THADA: variants seen among roughly 807,000 people sequenced by gnomAD.
THADA encodes tRNA (32-2'-O)-methyltransferase regulator THADA.
Under a neutral mutation model 219.8 loss-of-function variants are expected in THADA, and 213 were observed. The observed-to-expected ratio is 0.97, with a 90% CI of 0.87 to 1.09. The LOEUF (loss-of-function observed/expected upper bound fraction) is 1.09. THADA is among the 50% of genes least tolerant of loss of function. The pLI is 0.00. For synonymous variants in THADA, 1,018 were observed against 828.9 expected (o/e 1.23, Z -3.92); for missense variants, 2,956 against 2,311.3 (o/e 1.28, Z -5.72).
At position 43,428,157 on chromosome 2, in the gene THADA, G is replaced by C; in HGVS notation, c.4001C>G (p.Pro1334Arg). Residue 1334 changes from proline to arginine, a missense_variant, in exon 28 of 38, where the codon CCG becomes CGG. Pro to Arg is a moderately radical substitution (Grantham distance 103). Coordinates refer to ENST00000405975, the MANE Select transcript of THADA (RefSeq NM_022065.5). The stretch of plus-strand genomic sequence containing the variant: ...GAGAGCAGAAGAAGTACCATCCATC[G>C]GGGAAGCGTAGAGTCTCTCCAACAC... ...LLVLERLYAS[P>R]MDGTSSALSM... 6.2e-7 allele frequency: 1 copy of C among 1,610,460 alleles called. No individual in the cohort carries two copies. Among genetic ancestry groups the C allele is most frequent in the Non-Finnish European group, 8.5e-7 (1 of 1,177,978 alleles).
At chr2:43,577,528 A>AT (rs969840982) in intron 9 of THADA, among the ~76,000 whole-genome samples, 31 of 146,924 alleles carry the variant, frequency 2.1e-4, no homozygotes, top group Admixed American at 6.1e-4. Flanking sequence ...TTTGGTATGT[A>AT]TTTTTTTTTT....
rs1691333904 is a variant in THADA, at chr2:43,515,149, T to TATATA, written c.3375-6370_3375-6369insTATAT. Among the ~76,000 whole-genome samples the TATATA allele has an allele frequency of 8.8e-3, 7 of 798 alleles. 1 individual carries two copies. Among genetic ancestry groups the TATATA allele is most frequent in the Non-Finnish European group, 0.011 (6 of 538 alleles). 0.5% of individuals were successfully genotyped at this position (798 alleles called of 152,430 possible). On this transcript the variant is annotated intron_variant, in intron 22 of 37. Coordinates refer to ENST00000405975, the MANE Select transcript of THADA (RefSeq NM_022065.5). ...ATTTTATATATAATATATAATATAT[T>TATATA]TTATATATTATATATAATATATTAT...
At chr2:43,289,150 C>G (rs1316301591) in intron 34 of THADA, among the ~76,000 whole-genome samples, 1 of 152,224 alleles carries the variant, frequency 6.6e-6, no homozygotes, top group African/African-American at 2.4e-5. Context: ...CTGTACTTCA[C>G]TCAATTTTGT....
intron 1 of THADA, among the ~76,000 whole-genome samples, chr2:43,594,584 CAAATAAATAAATAAAT>C (rs34191249): frequency 9.4e-5 from 14 of 149,012 alleles, no homozygotes; most frequent in African/African-American, 3.5e-4. Flanking sequence ...AACTCCATCT[CAAATAAATAAATAAAT>C]AAATAAATAA....
intron 31 of THADA, among the ~76,000 whole-genome samples, chr2:43,308,955 C>A (rs903253626): frequency 6.6e-6 from 1 of 151,598 alleles, no homozygotes; most frequent in Non-Finnish European, 1.5e-5. Context: ...CTAAAACACA[C>A]AAAAAAATGG....
chr2:43,264,119 C>A (rs1379708594), intron 36 of THADA, among the ~76,000 whole-genome samples: 2 of 152,104 alleles, frequency 1.3e-5, no homozygotes, highest in African/African-American at 4.8e-5. Context: ...TGTCACGGGG[C>A]ACCTTGCCTA....
chr2:43,500,096 G>A (rs966268467), intron 24 of THADA, among the ~76,000 whole-genome samples: 1 of 152,026 alleles, frequency 6.6e-6, no homozygotes, highest in Non-Finnish European at 1.5e-5. Flanking sequence ...GCTACAATGA[G>A]CTAAGACTGT....
At chr2:43,514,319 C>T (rs1690886503) in intron 22 of THADA, among the ~76,000 whole-genome samples, 1 of 150,354 alleles carries the variant, frequency 6.7e-6, no homozygotes, top group South Asian at 2.1e-4. Flanking sequence ...GGCATGGTGG[C>T]ACTTGCCTGT....
chr2:43,261,216 C>CT (rs1181680289), intron 36 of THADA, among the ~76,000 whole-genome samples: 10,568 of 77,038 alleles, frequency 0.14, 1,560 homozygotes, highest in African/African-American at 0.21. Context: ...TTGTGCATTT[C>CT]TTTTTTTTTT....
At chr2:43,508,886 T>C (rs1282036989) in intron 22 of THADA, 106 bp from the exon 23 acceptor site, 2 of 1,102,406 alleles carry the variant, frequency 1.8e-6, no homozygotes, top group Non-Finnish European at 2.6e-6. Context: ...ATCCTTATAT[T>C]GAGTGGGGGT....
At chr2:43,588,339 A>G (rs1239329667) in intron 4 of THADA, among the ~76,000 whole-genome samples, 3 of 152,148 alleles carry the variant, frequency 2.0e-5, no homozygotes, top group Non-Finnish European at 4.4e-5. Flanking sequence ...GTTTTAAATA[A>G]TCTTGTATTA....
At chr2:43,307,829 T>C (rs1438641688) in intron 31 of THADA, among the ~76,000 whole-genome samples, 1 of 151,870 alleles carries the variant, frequency 6.6e-6, no homozygotes, top group Admixed American at 6.6e-5. Flanking sequence ...AGTGGGAAAA[T>C]ATAACCCATA....
intron 25 of THADA, chr2:43,491,903 C>G (rs188088869): frequency 6.6e-6 from 1 of 152,214 alleles, no homozygotes; most frequent in Non-Finnish European, 1.5e-5. Context: ...TTGATAGGAA[C>G]TTGGAATTCA....
chr2:43,325,796 T>C (rs1184082186), intron 30 of THADA, among the ~76,000 whole-genome samples: 2 of 152,258 alleles, frequency 1.3e-5, no homozygotes, highest in Non-Finnish European at 2.9e-5. Context: ...GAATAATTTT[T>C]AATAAGTTAT....
chr2:43,480,826 A>T (rs952950189), intron 26 of THADA, among the ~76,000 whole-genome samples: 1 of 136,498 alleles, frequency 7.3e-6, no homozygotes, highest in African/African-American at 2.7e-5. Context: ...TTGGGGGGGA[A>T]AAAAAAAAAA....
At chr2:43,358,776 G>C (rs1669155201) in intron 29 of THADA, among the ~76,000 whole-genome samples, 1 of 152,150 alleles carries the variant, frequency 6.6e-6, no homozygotes, top group African/African-American at 2.4e-5. Flanking sequence ...GAGTTTGCTG[G>C]CTTCCAATGC....
chr2:43,474,355 C>A (rs1019730420), intron 26 of THADA, among the ~76,000 whole-genome samples: 1 of 152,196 alleles, frequency 6.6e-6, no homozygotes, highest in Non-Finnish European at 1.5e-5. Flanking sequence ...AGGAGTGGAA[C>A]ATGCAGGCTC....
At chr2:43,294,833 C>T (rs1426616252) in intron 31 of THADA, among the ~76,000 whole-genome samples, 4 of 145,854 alleles carry the variant, frequency 2.7e-5, no homozygotes, top group Non-Finnish European at 4.6e-5. Flanking sequence ...TTTAAAAAGG[C>T]AAAAAAGAAA....
At chr2:43,395,382 C>G (rs1673902464) in intron 29 of THADA, among the ~76,000 whole-genome samples, 1 of 152,180 alleles carries the variant, frequency 6.6e-6, no homozygotes, top group Non-Finnish European at 1.5e-5. Flanking sequence ...ATTTTTGAGC[C>G]ACAATGGTCC....
Sources: allele counts gnomAD v4.1 joint callset (sites outside exome capture counted in the v4.1 genomes callset), GRCh38; gene constraint gnomAD v4.1.1; transcripts MANE v1.5; gene names NCBI Gene and HGNC (gene_info 2026-07-23, HGNC 2026-07-21).